Variants in SLC13A1 observed in about 807,000 individuals in gnomAD.
SLC13A1 encodes the protein Na(+)/sulfate cotransporter.
A neutral mutation model predicts 70.0 loss-of-function variants in SLC13A1; 65 were observed. That is an observed-to-expected ratio of 0.93 (90% CI 0.76 to 1.14). The LOEUF (loss-of-function observed/expected upper bound fraction) is 1.14, where lower values mean the gene tolerates loss of function less well. Ranked by LOEUF, SLC13A1 falls within the 50% of genes most tolerant of loss-of-function variation. The pLI, the probability that SLC13A1 is intolerant of heterozygous loss-of-function variation, is 0.00. For missense variants in SLC13A1, 726 were observed against 717.8 expected, an observed-to-expected ratio of 1.01 and a Z score of -0.13; for synonymous variants, 275 against 250.5, an observed-to-expected ratio of 1.10 and a Z score of -0.92.
At chr7:123,179,274 T>A (rs963126262) in intron 2 of SLC13A1, among the ~76,000 whole-genome samples, 2 of 152,174 alleles carry the variant, frequency 1.3e-5, no homozygotes, top group African/African-American at 4.8e-5. Flanking sequence ...TAAAGCTGAG[T>A]TACTTATGAG....
At chr7:123,185,633 G>A (rs902636650) in intron 1 of SLC13A1, among the ~76,000 whole-genome samples, 4 of 151,952 alleles carry the variant, frequency 2.6e-5, no homozygotes, top group African/African-American at 7.2e-5. Flanking sequence ...GGTTTAATTG[G>A]TCCACATGTC....
intron 6 of SLC13A1, among the ~76,000 whole-genome samples, chr7:123,166,086 A>G (rs997288394): frequency 6.6e-6 from 1 of 151,996 alleles, no homozygotes; most frequent in African/African-American, 2.4e-5. Flanking sequence ...TCCTGCTTCT[A>G]GAAGTGTTGG....
At chr7:123,150,932 T>C (rs1047534917) in intron 6 of SLC13A1, among the ~76,000 whole-genome samples, 1 of 152,118 alleles carries the variant, frequency 6.6e-6, no homozygotes, top group African/African-American at 2.4e-5. Flanking sequence ...AAATATCTTA[T>C]TTTTATTGAT....
rs1046378658 is a variant in SLC13A1 at position 123,159,483 on chromosome 7, C to T, written c.660+8891G>A. ...CAGAAAGAGAGGTCTCACTAGAAAC[C>T]GACCCAGATAACACCTTGATCTTGT... On this transcript the variant is annotated intron_variant, in intron 6 of 14. Coordinates refer to ENST00000194130, the MANE Select transcript of SLC13A1 (RefSeq NM_022444.4). Among the ~76,000 whole-genome samples, 87 of 152,138 alleles carry T rather than the reference C, an allele frequency of 5.7e-4. 1 individual carries two copies. Among genetic ancestry groups the T allele is most frequent in the African/African-American group, 1.8e-3 (74 of 41,444 alleles).
rs1280104805 is a variant in SLC13A1, at chr7:123,168,482, TCAAAA to T, written c.611+17_611+21del. On this transcript the variant is annotated intron_variant, in intron 5 of 14. Transcript: ENST00000194130. ...AAAATATAATTTGGAAAAATCCCAATCAAAATGTCAGTATTCCTTACCCTGGAACT... is the reference window on the plus strand; with the variant it reads ...AAAATATAATTTGGAAAAATCCCAATTGTCAGTATTCCTTACCCTGGAACT... The T allele has an allele frequency of 6.2e-7, 1 of 1,602,308 alleles. No homozygotes were observed. Among genetic ancestry groups the T allele is most frequent in the Admixed American group, 1.7e-5 (1 of 59,642 alleles).
intron 6 of SLC13A1, among the ~76,000 whole-genome samples, chr7:123,154,408 A>G (rs955753089): frequency 2.0e-5 from 3 of 152,218 alleles, no homozygotes; most frequent in South Asian, 4.1e-4. Context: ...ACCTGTCACA[A>G]CAGAAATCCT....
At position 123,166,841 on chromosome 7, in the gene SLC13A1, G is replaced by A. The variant is rs150963323; in HGVS notation, c.660+1533C>T. ...AGTCTTTGCTATTGTGAATAGTGCC[G>A]CAATAAACATACGTGTGCATCCCCA... On this transcript the variant is annotated intron_variant, in intron 6 of 14. Transcript: ENST00000194130. Among the ~76,000 whole-genome samples, 376 of 152,148 alleles carry A rather than the reference G, an allele frequency of 2.5e-3. 6 individuals are homozygous for A. In the East Asian group the frequency reaches 0.053, roughly 21 times the overall value.
At chr7:123,139,795 G>A (rs184513083) in intron 7 of SLC13A1, among the ~76,000 whole-genome samples, 1 of 152,068 alleles carries the variant, frequency 6.6e-6, no homozygotes, top group East Asian at 1.9e-4. Flanking sequence ...TTGTTTATCA[G>A]TTCTAACAGT....
intron 12 of SLC13A1, among the ~76,000 whole-genome samples, chr7:123,119,612 A>G (rs1203720549): frequency 6.6e-6 from 1 of 152,056 alleles, no homozygotes; most frequent in Non-Finnish European, 1.5e-5. Flanking sequence ...TGCAGAGGCA[A>G]CAACTTTCAA....
At chr7:123,174,825 C>T (rs1425060515) in intron 2 of SLC13A1, among the ~76,000 whole-genome samples, 1 of 151,968 alleles carries the variant, frequency 6.6e-6, no homozygotes, top group Non-Finnish European at 1.5e-5. Flanking sequence ...GTATTTAGTT[C>T]CCCAAACACA....
At chr7:123,133,040 A>AT (rs572250361) in intron 8 of SLC13A1, among the ~76,000 whole-genome samples, 45 of 147,074 alleles carry the variant, frequency 3.1e-4, no homozygotes, top group African/African-American at 8.4e-4. Context: ...ATTGGTCAAC[A>AT]TTTTTTTTTT....
At chr7:123,131,731 T>G (rs901633390) in intron 8 of SLC13A1, among the ~76,000 whole-genome samples, 3 of 151,470 alleles carry the variant, frequency 2.0e-5, no homozygotes, top group Non-Finnish European at 4.4e-5. Context: ...ACTGAAAAAT[T>G]AGCTGGAGCA....
chr7:123,192,843 T>A (rs1194752865), intron 1 of SLC13A1, among the ~76,000 whole-genome samples: 1 of 152,188 alleles, frequency 6.6e-6, no homozygotes, highest in African/African-American at 2.4e-5. Context: ...TATCCTCATT[T>A]TGGAAGATGG....
At chr7:123,165,574 C>A (rs1313393136) in intron 6 of SLC13A1, among the ~76,000 whole-genome samples, 1 of 152,104 alleles carries the variant, frequency 6.6e-6, no homozygotes, top group Non-Finnish European at 1.5e-5. Context: ...AAAAAGCTCA[C>A]CACTGACTTT....
chr7:123,177,103 C>A (rs984803057), intron 2 of SLC13A1, among the ~76,000 whole-genome samples: 6 of 152,118 alleles, frequency 3.9e-5, no homozygotes. Flanking sequence ...CAGCACTGAA[C>A]TCTAAGTGTC....
intron 1 of SLC13A1, among the ~76,000 whole-genome samples, chr7:123,185,449 G>T (rs1415492795): frequency 2.0e-5 from 3 of 151,958 alleles, no homozygotes; most frequent in African/African-American, 4.8e-5. Flanking sequence ...ATTTTGAGTT[G>T]ATTTTTGCAT....
intron 6 of SLC13A1, among the ~76,000 whole-genome samples, chr7:123,152,397 T>C (rs964998590): frequency 2.0e-5 from 3 of 152,128 alleles, no homozygotes; most frequent in Admixed American, 6.6e-5. Flanking sequence ...ATGGTACTTC[T>C]ATTTTTTTTC....
chr7:123,141,676 A>T (rs1794152290), intron 7 of SLC13A1, among the ~76,000 whole-genome samples: 1 of 152,136 alleles, frequency 6.6e-6, no homozygotes, highest in African/African-American at 2.4e-5. Context: ...ATCATTATAT[A>T]GTGACCTTCT....
intron 1 of SLC13A1, among the ~76,000 whole-genome samples, chr7:123,192,568 T>A (rs1796029382): frequency 6.6e-6 from 1 of 152,190 alleles, no homozygotes; most frequent in Non-Finnish European, 1.5e-5. Flanking sequence ...TATGTGGGTA[T>A]GATCTCTTCT....
Sources: allele counts gnomAD v4.1 joint callset (sites outside exome capture counted in the v4.1 genomes callset), GRCh38; gene constraint gnomAD v4.1.1; transcripts MANE v1.5; gene names NCBI Gene and HGNC (gene_info 2026-07-23, HGNC 2026-07-21).